Variants in SLC7A11 observed in about 807,000 individuals in gnomAD.
SLC7A11 encodes the protein solute carrier family 7 member 11.
In SLC7A11, 35 loss-of-function variants were observed where a neutral mutation model predicts 54.5. The ratio of observed to expected loss-of-function variants is 0.64; its 90% CI spans 0.49 to 0.85. The LOEUF (loss-of-function observed/expected upper bound fraction) is 0.85. Ranked by LOEUF, SLC7A11 falls within the 40% of genes least tolerant of loss-of-function variation. SLC7A11 has a pLI of 0.00. For synonymous variants in SLC7A11, 230 were observed against 225.2 expected, an observed-to-expected ratio of 1.02 and a Z score of -0.19; for missense variants, 583 against 618.1, an observed-to-expected ratio of 0.94 and a Z score of 0.60.
rs562445231 is a variant in SLC7A11, at chr4:138,202,738, C to G, written c.791+11847G>C. On this transcript the variant is annotated intron_variant, in intron 6 of 11. Transcript: ENST00000280612. ...CATTTCTTTTTTGCAGCCGATAACC[C>G]AGAGGCTCAGAGAGGACAAAAGATG... Among the ~76,000 whole-genome samples the G allele has an allele frequency of 5.3e-5, 8 of 152,190 alleles. No homozygotes were observed. The East Asian group carries it at 1.6e-3, about 30-fold the overall frequency.
At position 138,182,357 on chromosome 4, in the gene SLC7A11, T is replaced by C. The variant is rs758783904; in HGVS notation, c.1056A>G (p.Pro352=). 1.2e-5 allele frequency: 20 copies of C among 1,611,984 alleles called. No individual in the cohort carries two copies. Among genetic ancestry groups the C allele is most frequent in the Non-Finnish European group, 1.6e-5 (19 of 1,178,474 alleles). Reference sequence around the variant, plus strand: ...GGACATGAATCATGGAGAGGATTTCTGGAAGGTGACCCTCTCGAGACGCAA... The same window carrying C: ...GGACATGAATCATGGAGAGGATTTCCGGAAGGTGACCCTCTCGAGACGCAA... ...FYVASREGHL[P]EILSMIHVRK... is the part of the protein sequence containing the mutation. Residue 352 remains proline (P), a synonymous_variant, in exon 9 of 12, where the codon CCA becomes CCG. Coordinates refer to ENST00000280612, the MANE Select transcript of SLC7A11 (RefSeq NM_014331.4).
intron 9 of SLC7A11, among the ~76,000 whole-genome samples, chr4:138,181,825 C>T (rs926110012): frequency 3.2e-4 from 49 of 152,190 alleles, no homozygotes; most frequent in African/African-American, 9.6e-4. Context: ...GACACTTGCT[C>T]TCAAATGTCT....
chr4:138,177,943 T>A (rs1055706226), intron 11 of SLC7A11: 1 of 152,136 alleles, frequency 6.6e-6, no homozygotes, highest in African/African-American at 2.4e-5. Flanking sequence ...AAAGTCAATA[T>A]TCTGTCTTCA....
intron 6 of SLC7A11, among the ~76,000 whole-genome samples, chr4:138,199,948 G>A (rs1432654190): frequency 1.3e-5 from 2 of 152,058 alleles, no homozygotes; most frequent in African/African-American, 2.4e-5. Flanking sequence ...GGAATAAATA[G>A]CTAAACACTT....
chr4:138,172,656 G>C (rs1034796732), intron 11 of SLC7A11, among the ~76,000 whole-genome samples: 1 of 152,120 alleles, frequency 6.6e-6, no homozygotes, highest in African/African-American at 2.4e-5. Context: ...CTGTAATTCT[G>C]ATAGACACAA....
intron 1 of SLC7A11, among the ~76,000 whole-genome samples, chr4:138,237,598 A>G (rs1475720576): frequency 6.9e-6 from 1 of 144,412 alleles, no homozygotes; most frequent in African/African-American, 2.6e-5. Context: ...GGGTTTCACC[A>G]TGTTGGCCAA....
intron 6 of SLC7A11, among the ~76,000 whole-genome samples, chr4:138,208,495 G>A (rs950348614): frequency 6.6e-6 from 1 of 151,326 alleles, no homozygotes; most frequent in African/African-American, 2.4e-5. Context: ...TTTGCACTGT[G>A]TAACTTTTTG....
intron 6 of SLC7A11, among the ~76,000 whole-genome samples, chr4:138,199,188 G>A (rs530901032): frequency 9.6e-4 from 146 of 152,250 alleles, no homozygotes; most frequent in African/African-American, 3.1e-3. Flanking sequence ...ATATGCACAC[G>A]CACGCACAAA....
At chr4:138,216,255 T>C (rs1225915910) in intron 5 of SLC7A11, among the ~76,000 whole-genome samples, 2 of 152,188 alleles carry the variant, frequency 1.3e-5, no homozygotes, top group South Asian at 4.1e-4. Flanking sequence ...AAGCTTATTC[T>C]TTAGATTAGA....
chr4:138,231,164 T>C (rs1738068258), intron 3 of SLC7A11, among the ~76,000 whole-genome samples: 1 of 152,006 alleles, frequency 6.6e-6, no homozygotes, highest in African/African-American at 2.4e-5. Context: ...TGTGAAATAA[T>C]AGACATCGGA....
intron 10 of SLC7A11, 111 bp from the exon 11 acceptor site, chr4:138,179,505 T>C: frequency 1.1e-6 from 1 of 874,566 alleles, no homozygotes; most frequent in Non-Finnish European, 1.7e-6. Flanking sequence ...GCTGTAGTCA[T>C]GCGACCAGGT....
chr4:138,208,029 C>T (rs569735763), intron 6 of SLC7A11, among the ~76,000 whole-genome samples: 5 of 152,194 alleles, frequency 3.3e-5, no homozygotes, highest in Middle Eastern at 3.4e-3. Context: ...GTAGACCAAT[C>T]TGGTTGATCA....
intron 7 of SLC7A11, among the ~76,000 whole-genome samples, chr4:138,183,510 T>C (rs771671453): frequency 2.1e-4 from 32 of 152,134 alleles, no homozygotes; most frequent in Admixed American, 2.6e-4. Flanking sequence ...TGCAAAACTA[T>C]AGTCAAAGAT....
intron 11 of SLC7A11, chr4:138,176,213 A>G (rs1474080163): frequency 6.6e-6 from 1 of 152,210 alleles, no homozygotes; most frequent in Non-Finnish European, 1.5e-5. Flanking sequence ...AGAAAAATCA[A>G]ACAAAATTAC....
chr4:138,223,318 A>G lies in SLC7A11; in HGVS notation c.527T>C (p.Val176Ala), dbSNP rs1737861752. Residue 176 changes from valine to alanine, a missense_variant, in exon 4 of 12, where the codon GTG becomes GCG. Coordinates refer to ENST00000280612, the MANE Select transcript of SLC7A11 (RefSeq NM_014331.4). Reference sequence around the variant, plus strand: ...GACACTCATGCTATTTAGGACCATCACTACAGCTGCAAACAAATAGAGGAA... The same window carrying G: ...GACACTCATGCTATTTAGGACCATCGCTACAGCTGCAAACAAATAGAGGAA... ...KLITAVGITV[V>A]MVLNSMSVSW... is the part of the protein sequence containing the mutation. 1.2e-6 allele frequency: 2 copies of G among 1,613,158 alleles called. No homozygotes were observed. Among genetic ancestry groups the G allele is most frequent in the East Asian group, 2.2e-5 (1 of 44,860 alleles).
At chr4:138,209,447 G>A (rs111502354) in intron 6 of SLC7A11, among the ~76,000 whole-genome samples, 2 of 151,942 alleles carry the variant, frequency 1.3e-5, no homozygotes, top group African/African-American at 2.4e-5. Context: ...ACACATCTGG[G>A]CTAAGTCCAC....
In SLC7A11 at chr4:138,233,227, C is replaced by A. The variant is rs370373796; in HGVS notation, c.405-845G>T. ...TGAAATGGAGTCTCACTCTGTCCCC[C>A]AGGCTGGAGTGTAGTGGCACGATCT... On this transcript the variant is annotated intron_variant, in intron 2 of 11. Coordinates refer to ENST00000280612, the MANE Select transcript of SLC7A11 (RefSeq NM_014331.4). Among the ~76,000 whole-genome samples, 30 of 151,776 alleles carry A rather than the reference C, an allele frequency of 2.0e-4. No individual in the cohort carries two copies. The East Asian group carries it at 5.2e-3, about 27-fold the overall frequency.
At chr4:138,214,554 T>G (rs1486993386) in intron 6 of SLC7A11, 31 bp downstream of exon 6, 1 of 1,341,720 alleles carries the variant, frequency 7.5e-7, no homozygotes, top group Admixed American at 2.1e-5. Flanking sequence ...TTATTCTTCA[T>G]AAAAATTTCA....
chr4:138,185,188 A>T lies in SLC7A11; in HGVS notation c.848T>A (p.Leu283Gln). ...GGTCGTAAAGTAGGCCACATTTGTC[A>T]GCACATAGCCAATGGTGACAATGGC... ...SMAIVTIGYV[L>Q]TNVAYFTTIN... The change falls in exon 7 of 12, where the codon CTG (leucine) becomes CAG (glutamine). Residue 283 changes from leucine (L) to glutamine (Q), a missense_variant. By Grantham distance (113) the Leu-to-Gln change is moderately radical. Transcript: ENST00000280612. 6.2e-7 allele frequency: 1 copy of T among 1,613,026 alleles called. No homozygotes were observed.
Sources: allele counts gnomAD v4.1 joint callset (sites outside exome capture counted in the v4.1 genomes callset), GRCh38; gene constraint gnomAD v4.1.1; transcripts MANE v1.5; gene names NCBI Gene and HGNC (gene_info 2026-07-23, HGNC 2026-07-21).